Variants in LAMA3 observed in about 807,000 individuals in gnomAD.
The protein encoded by LAMA3 is laminin subunit alpha 3, also known as laminin subunit alpha-3.
A neutral mutation model predicts 402.0 loss-of-function variants in LAMA3; 281 were observed. That is an observed-to-expected ratio of 0.70 (90% CI 0.63 to 0.77). The LOEUF is 0.77. Ranked by LOEUF, LAMA3 falls within the 30% of genes least tolerant of loss-of-function variation. LAMA3 has a pLI of 0.00. For missense variants in LAMA3, 3,840 were observed against 4,215.5 expected (o/e 0.91, Z 2.47); for synonymous variants, 1,431 against 1,558.4 (o/e 0.92, Z 1.93).
intron 38 of LAMA3, among the ~76,000 whole-genome samples, chr18:23,875,616 G>T (rs1249805053): frequency 6.6e-6 from 1 of 152,072 alleles, no homozygotes; most frequent in Non-Finnish European, 1.5e-5. Flanking sequence ...ACTGATTGTG[G>T]CATGATTGTC....
In LAMA3 at chr18:23,833,177, C is replaced by A. The variant is rs2063518387; in HGVS notation, c.2824-651C>A. 1.3e-5 allele frequency among the ~76,000 whole-genome samples: 2 copies of A among 152,164 alleles called. 1 individual carries two copies. Among genetic ancestry groups the A allele is most frequent in the South Asian group, 4.1e-4 (2 of 4,834 alleles). The stretch of plus-strand genomic sequence containing the variant: ...CAGATAGTAAATATTTTTGGTTTTG[C>A]AGGCCCTGTGGTCTCTGTCATCATA... On this transcript the variant is annotated intron_variant, in intron 23 of 74. Transcript: ENST00000313654.
Position 23,858,001 on chromosome 18 carries a change from G to A in LAMA3, c.4281+13G>A, listed in dbSNP as rs375791598. 8.1e-6 allele frequency: 13 copies of A among 1,613,978 alleles called. No individual in the cohort carries two copies. The highest frequency in any genetic ancestry group is 1.6e-4 in the Middle Eastern group (1 of 6,084). ...TTGCCTCTGCAAGGTAAGAGAGATCGTGCAATGCCAGACAACAGCTGCCGG... is the reference window on the plus strand; with the variant it reads ...TTGCCTCTGCAAGGTAAGAGAGATCATGCAATGCCAGACAACAGCTGCCGG... On this transcript the variant is annotated intron_variant, in intron 33 of 74. Coordinates refer to ENST00000313654, the MANE Select transcript of LAMA3 (RefSeq NM_198129.4).
chr18:23,689,632 GCC>G lies in LAMA3; in HGVS notation c.-48_-47del. The G allele has an allele frequency of 8.1e-7, 1 of 1,237,458 alleles. No homozygotes were observed. The highest frequency in any genetic ancestry group is 1.6e-5 in the African/African-American group (1 of 64,072). The allele number at this position is 1,237,458 out of a possible 1,614,324, so 76.7% of individuals were successfully genotyped here. ...GGAGGCGCAGGCGGAGAGCGGCGGT[GCC>G]CCCGAGCCCCTCTGCGGACGGCTCA... On this transcript the variant is annotated 5_prime_UTR_variant, in exon 1 of 75. Coordinates refer to ENST00000313654, the MANE Select transcript of LAMA3 (RefSeq NM_198129.4).
chr18:23,770,421 C>T (rs1424428343), intron 8 of LAMA3, among the ~76,000 whole-genome samples: 1 of 151,796 alleles, frequency 6.6e-6, no homozygotes, highest in Non-Finnish European at 1.5e-5. Flanking sequence ...ATTTGAATAG[C>T]TACTTGACAA....
chr18:23,691,560 C>T lies in LAMA3; in HGVS notation c.294+1583C>T, dbSNP rs142540745. Among the ~76,000 whole-genome samples, 566 of 152,094 alleles carry T rather than the reference C, an allele frequency of 3.7e-3. 11 individuals are homozygous for T. Among genetic ancestry groups the T allele is most frequent in the African/African-American group, 0.013 (533 of 41,476 alleles). ...GAGAAATTTAGTTTAGCTCTTATAA[C>T]AATTCAGTTTTTAATTTAATTTTAT... On this transcript the variant is annotated intron_variant, in intron 1 of 74. Transcript: ENST00000313654.
intron 60 of LAMA3, among the ~76,000 whole-genome samples, chr18:23,920,685 T>C (rs1009485848): frequency 4.6e-5 from 7 of 151,456 alleles, no homozygotes; most frequent in African/African-American, 1.7e-4. Flanking sequence ...TGAAACAAAA[T>C]CATGATCATA....
rs908223527 is a variant in LAMA3 at position 23,854,286 on chromosome 18, G to A, written c.4137-3558G>A. Among the ~76,000 whole-genome samples the A allele has an allele frequency of 2.6e-5, 4 of 152,218 alleles. No individual in the cohort carries two copies. The East Asian group carries it at 7.7e-4, about 29-fold the overall frequency. Reference sequence around the variant, plus strand: ...CTTCCCTTCCTCCTTGTCTGGACAAGCAGCTTCCACAGCTGCCCTTGCTGC... The same window carrying A: ...CTTCCCTTCCTCCTTGTCTGGACAAACAGCTTCCACAGCTGCCCTTGCTGC... On this transcript the variant is annotated intron_variant, in intron 32 of 74. Transcript: ENST00000313654.
intron 6 of LAMA3, among the ~76,000 whole-genome samples, chr18:23,754,095 T>C (rs1226221167): frequency 6.6e-6 from 1 of 152,142 alleles, no homozygotes; most frequent in African/African-American, 2.4e-5. Context: ...AGGCAGCCAA[T>C]TGATTAGAGC....
chr18:23,753,689 G>A (rs1207653118), intron 5 of LAMA3, 32 bp from the exon 6 acceptor site: 2 of 1,550,708 alleles, frequency 1.3e-6, no homozygotes, highest in Non-Finnish European at 1.8e-6. Context: ...ACTGTTCAGT[G>A]AAACTTGCAT....
chr18:23,747,038 A>G (rs1402326666), intron 2 of LAMA3, among the ~76,000 whole-genome samples: 4 of 152,082 alleles, frequency 2.6e-5, no homozygotes, highest in African/African-American at 9.7e-5. Flanking sequence ...TTCTTGGGCT[A>G]GAGGCGAGTG....
chr18:23,709,833 A>G, intron 1 of LAMA3: 1 of 672,948 alleles, frequency 1.5e-6, no homozygotes, highest in East Asian at 3.3e-5. Context: ...GATGATCCCA[A>G]TTTTGTTGGC....
At position 23,853,901 on chromosome 18, in the gene LAMA3, C is replaced by T. The variant is rs562805209; in HGVS notation, c.4137-3943C>T. On this transcript the variant is annotated intron_variant, in intron 32 of 74. Transcript: ENST00000313654. The stretch of plus-strand genomic sequence containing the variant: ...TCCTCTTCCTTCCCTATTGTCATGG[C>T]ACCACCAAAAACTTCCCTATTGTCC... Among the ~76,000 whole-genome samples the T allele has an allele frequency of 5.1e-4, 78 of 152,334 alleles. 1 individual carries two copies. The South Asian group carries it at 0.016, about 31-fold the overall frequency.
chr18:23,695,592 C>T (rs1208117325), intron 1 of LAMA3, among the ~76,000 whole-genome samples: 1 of 151,636 alleles, frequency 6.6e-6, no homozygotes, highest in Non-Finnish European at 1.5e-5. Flanking sequence ...GAGGCTGAGG[C>T]GGGTGAATCA....
At chr18:23,893,293 A>C (rs1271899293) in intron 42 of LAMA3, among the ~76,000 whole-genome samples, 1 of 152,184 alleles carries the variant, frequency 6.6e-6, no homozygotes, top group African/African-American at 2.4e-5. Flanking sequence ...AATGCATGGC[A>C]TGGGGAAAAC....
chr18:23,954,377 TG>T, intron 74 of LAMA3, 125 bp from the exon 75 acceptor site: 1 of 791,616 alleles, frequency 1.3e-6, no homozygotes, highest in South Asian at 1.6e-5. Flanking sequence ...TACTTCAGCC[TG>T]GGTAACAGAG....
intron 32 of LAMA3, among the ~76,000 whole-genome samples, chr18:23,854,290 C>A (rs1293049245): frequency 6.6e-6 from 1 of 152,250 alleles, no homozygotes; most frequent in Non-Finnish European, 1.5e-5. Context: ...GGACAAGCAG[C>A]TTCCACAGCT....
chr18:23,789,248 T>TGGAA (rs1362722304), intron 12 of LAMA3, among the ~76,000 whole-genome samples: 1 of 152,182 alleles, frequency 6.6e-6, no homozygotes, highest in Non-Finnish European at 1.5e-5. Flanking sequence ...ACAGTGACTT[T>TGGAA]GGAAATAGTT....
intron 16 of LAMA3, 55 bp downstream of exon 16, chr18:23,815,295 G>A (rs2063153764): frequency 1.3e-6 from 2 of 1,543,798 alleles, no homozygotes; most frequent in Admixed American, 1.7e-5. Context: ...GCAACTGCTT[G>A]TGGGGTTTCT....
intron 2 of LAMA3, among the ~76,000 whole-genome samples, chr18:23,721,614 G>A (rs1405588274): frequency 1.3e-5 from 2 of 151,966 alleles, no homozygotes; most frequent in African/African-American, 4.8e-5. Flanking sequence ...TATCTCTCTC[G>A]GTCTCTTCCA....
Sources: allele counts gnomAD v4.1 joint callset (sites outside exome capture counted in the v4.1 genomes callset), GRCh38; gene constraint gnomAD v4.1.1; transcripts MANE v1.5; gene names NCBI Gene and HGNC (gene_info 2026-07-23, HGNC 2026-07-21).